CDH1: variants seen among roughly 807,000 people sequenced by gnomAD.
CDH1 encodes the protein cadherin 1.
CDH1 carries 35 observed loss-of-function variants against 84.5 expected under a neutral mutation model. That is an observed-to-expected ratio of 0.41 (90% CI 0.32 to 0.55). CDH1 has a LOEUF of 0.55. Ranked by LOEUF, CDH1 falls within the 20% of genes least tolerant of loss-of-function variation. CDH1 has a pLI of 0.19. For missense variants in CDH1, 994 were observed against 1,126.6 expected, an observed-to-expected ratio of 0.88 and a Z score of 1.68; for synonymous variants, 417 against 439.0, an observed-to-expected ratio of 0.95 and a Z score of 0.63.
chr16:68,811,187 C>A (rs910145277), intron 6 of CDH1, among the ~76,000 whole-genome samples: 8 of 152,020 alleles, frequency 5.3e-5, no homozygotes, highest in Non-Finnish European at 7.4e-5. Flanking sequence ...CACTTGAGGT[C>A]AGGAGTTTGA....
At chr16:68,756,147 T>G (rs78898921) in intron 2 of CDH1, among the ~76,000 whole-genome samples, 19 of 151,974 alleles carry the variant, frequency 1.3e-4, no homozygotes, top group East Asian at 7.7e-4. Flanking sequence ...TTTTTTTTTT[T>G]TGTGCATGTA....
chr16:68,818,245 AAAAAAAAAAGAAAAG>A (rs1961035251), intron 10 of CDH1, among the ~76,000 whole-genome samples: 1 of 151,542 alleles, frequency 6.6e-6, no homozygotes, highest in Non-Finnish European at 1.5e-5. Context: ...GTCCCAAAAA[AAAAAAAAAAGAAAAG>A]AAAAAAAAAG....
chr16:68,767,959 CT>C (rs11393793), intron 2 of CDH1, among the ~76,000 whole-genome samples: 137 of 147,108 alleles, frequency 9.3e-4, no homozygotes, highest in Middle Eastern at 3.4e-3. Context: ...ATTTTAATTA[CT>C]TTTTTTTTTT....
At chr16:68,780,283 GTTTAT>G (rs1170910401) in intron 2 of CDH1, among the ~76,000 whole-genome samples, 1 of 151,872 alleles carries the variant, frequency 6.6e-6, no homozygotes, top group African/African-American at 2.4e-5. Context: ...CTTCCTCCCT[GTTTAT>G]TTTATTTTAT....
rs34986130 is a variant in CDH1, at chr16:68,818,109, G to C, written c.1566-1171G>C. Among the ~76,000 whole-genome samples, 719 of 151,358 alleles carry C rather than the reference G, an allele frequency of 4.8e-3. 5 individuals carry two copies. The highest frequency in any genetic ancestry group is 0.016 in the African/African-American group (652 of 41,270). ...CAAAAAATTAGCCGGGCGTGGTGGC[G>C]GGTGCCTGTAGACCCAGCTATTCAG... On this transcript the variant is annotated intron_variant, in intron 10 of 15. Transcript: ENST00000261769.
rs1555510458 is a variant in CDH1 at position 68,745,549 on chromosome 16, A to AATATATATATATATGT, written c.163+7149_163+7164dup. 2.2e-3 allele frequency among the ~76,000 whole-genome samples: 168 copies of AATATATATATATATGT among 75,104 alleles called. 1 individual carries two copies. In the Middle Eastern group the frequency reaches 0.032, roughly 14 times the overall value. The allele number at this position is 75,104 out of a possible 152,430, so 49.3% of individuals were successfully genotyped here. A position where few individuals can be genotyped will look rare whatever the true frequency, so the allele number is the denominator to read the frequency against. The stretch of plus-strand genomic sequence containing the variant: ...ATCCTGTCTCAAAAAAAAAAAAAAA[A>AATATATATATATATGT]ATATATATATATATGTATATATATA... On this transcript the variant is annotated intron_variant, in intron 2 of 15. Coordinates refer to ENST00000261769, the MANE Select transcript of CDH1 (RefSeq NM_004360.5).
chr16:68,824,558 C>G (rs1961268850), intron 13 of CDH1, among the ~76,000 whole-genome samples: 1 of 152,160 alleles, frequency 6.6e-6, no homozygotes, highest in Non-Finnish European at 1.5e-5. Flanking sequence ...GCAAGGGAAC[C>G]TGGAAGCTTC....
At chr16:68,781,961 TC>T (rs1959893606) in intron 2 of CDH1, among the ~76,000 whole-genome samples, 1 of 151,834 alleles carries the variant, frequency 6.6e-6, no homozygotes. Flanking sequence ...AAGGAGGGGG[TC>T]AGAAAAACAA....
At chr16:68,802,332 G>T (rs1195073638) in intron 3 of CDH1, among the ~76,000 whole-genome samples, 3 of 152,160 alleles carry the variant, frequency 2.0e-5, no homozygotes, top group Admixed American at 2.0e-4. Flanking sequence ...TTCCTTATCT[G>T]TAAAATGGAG....
At chr16:68,754,070 G>T (rs1199201214) in intron 2 of CDH1, among the ~76,000 whole-genome samples, 1 of 146,566 alleles carries the variant, frequency 6.8e-6, no homozygotes, top group African/African-American at 2.5e-5. Context: ...AGTGAGCCAA[G>T]TGAGCCATTG....
chr16:68,745,447 T>TG (rs995754802), intron 2 of CDH1, among the ~76,000 whole-genome samples: 9 of 145,484 alleles, frequency 6.2e-5, no homozygotes, highest in African/African-American at 2.3e-4. Flanking sequence ...GAGGCTGAGG[T>TG]GGGGGGATTG....
At chr16:68,738,471 A>G in intron 2 of CDH1, 60 bp downstream of exon 2, 1 of 1,167,312 alleles carries the variant, frequency 8.6e-7, no homozygotes, top group Non-Finnish European at 1.2e-6. Flanking sequence ...AGGGGCCGAG[A>G]AATTGCACTC....
intron 2 of CDH1, among the ~76,000 whole-genome samples, chr16:68,781,482 A>G (rs950403626): frequency 5.3e-5 from 8 of 152,064 alleles, no homozygotes; most frequent in African/African-American, 1.7e-4. Flanking sequence ...TTGGGACTAC[A>G]GGAGCATGCC....
chr16:68,827,418 G>T (rs1458159340), intron 13 of CDH1, among the ~76,000 whole-genome samples: 14 of 151,490 alleles, frequency 9.2e-5, no homozygotes, highest in Non-Finnish European at 1.5e-5. Flanking sequence ...AAGTTAAGTG[G>T]TTTCTTTCTG....
At chr16:68,809,909 A>G (rs1960770771) in intron 5 of CDH1, among the ~76,000 whole-genome samples, 1 of 152,166 alleles carries the variant, frequency 6.6e-6, no homozygotes, top group Non-Finnish European at 1.5e-5. Flanking sequence ...CCGGCATGGA[A>G]TAAGAGTTTT....
chr16:68,834,418 T>G lies in CDH1; in HGVS notation c.*919T>G. On this transcript the variant is annotated 3_prime_UTR_variant, in exon 16 of 16. Transcript: ENST00000261769. ...TTTTTGTACAGATGGGGTCTTGCTA[T>G]GTTGCCCAAGCTGGTCTTAAACTCC... 2.7e-6 allele frequency: 1 copy of G among 372,714 alleles called. No individual in the cohort carries two copies. Among genetic ancestry groups the G allele is most frequent in the South Asian group, 2.6e-5 (1 of 38,386 alleles). The allele number at this position is 372,714 out of a possible 1,614,324, so 23.1% of individuals were successfully genotyped here. A position where few individuals can be genotyped will look rare whatever the true frequency, so the allele number is the denominator to read the frequency against.
At position 68,792,305 on chromosome 16, in the gene CDH1, C is replaced by G. The variant is rs570217002; in HGVS notation, c.164-9365C>G. 4.0e-5 allele frequency among the ~76,000 whole-genome samples: 6 copies of G among 151,754 alleles called. No homozygotes were observed. The South Asian group carries it at 1.0e-3, about 26-fold the overall frequency. ...AGGGCAGTGGCGCAATCTTGACTCACTGCAACCTCCGCCTCCCAGGTTCAA... is the reference window on the plus strand; with the variant it reads ...AGGGCAGTGGCGCAATCTTGACTCAGTGCAACCTCCGCCTCCCAGGTTCAA... On this transcript the variant is annotated intron_variant, in intron 2 of 15. Transcript: ENST00000261769.
At chr16:68,818,807 G>T (rs1309101886) in intron 10 of CDH1, among the ~76,000 whole-genome samples, 1 of 132,984 alleles carries the variant, frequency 7.5e-6, no homozygotes, top group Admixed American at 8.4e-5. Flanking sequence ...CCGACATCGC[G>T]CCACTGCACT....
chr16:68,785,318 A>C (rs1960015134), intron 2 of CDH1, among the ~76,000 whole-genome samples: 1 of 152,102 alleles, frequency 6.6e-6, no homozygotes, highest in African/African-American at 2.4e-5. Flanking sequence ...CAGCCTCCCA[A>C]GAAGCTGAGA....
Sources: allele counts gnomAD v4.1 joint callset (sites outside exome capture counted in the v4.1 genomes callset), GRCh38; gene constraint gnomAD v4.1.1; transcripts MANE v1.5; gene names NCBI Gene and HGNC (gene_info 2026-07-23, HGNC 2026-07-21).